The following HDAC9 variants were observed in gnomAD, a reference collection of about 807,000 sequenced individuals.
The protein encoded by HDAC9 is MEF-2 interacting transcription repressor (MITR) protein.
In HDAC9, 41 loss-of-function variants were observed where a neutral mutation model predicts 139.4. The observed-to-expected ratio is 0.29, with a 90% CI of 0.23 to 0.38. The LOEUF (loss-of-function observed/expected upper bound fraction) is 0.38, where lower values mean the gene tolerates loss of function less well. Ranked by LOEUF, HDAC9 falls within the 10% of genes least tolerant of loss-of-function variation. HDAC9 has a pLI of 1.00. For missense variants in HDAC9, 1,147 were observed against 1,297.0 expected, an observed-to-expected ratio of 0.88 and a Z score of 1.78; for synonymous variants, 517 against 476.2, an observed-to-expected ratio of 1.09 and a Z score of -1.12.
At chr7:18,267,617 C>G (rs897082336) in intron 2 of HDAC9, among the ~76,000 whole-genome samples, 11 of 152,080 alleles carry the variant, frequency 7.2e-5, no homozygotes, top group African/African-American at 2.4e-4. Flanking sequence ...TTGAAAATGA[C>G]AGGATTTCCT....
intron 15 of HDAC9, among the ~76,000 whole-genome samples, chr7:18,766,369 A>T (rs2129160428): frequency 6.6e-6 from 1 of 152,304 alleles, no homozygotes; most frequent in East Asian, 1.9e-4. Context: ...TAAACAAAAT[A>T]ATTACTAAAA....
chr7:18,253,014 T>G (rs1439669361), intron 2 of HDAC9, among the ~76,000 whole-genome samples: 2 of 152,196 alleles, frequency 1.3e-5, no homozygotes, highest in Non-Finnish European at 2.9e-5. Context: ...CAATAATTGG[T>G]TTTCTGTTCC....
At chr7:18,212,363 A>G (rs1443027291) in intron 2 of HDAC9, among the ~76,000 whole-genome samples, 1 of 152,160 alleles carries the variant, frequency 6.6e-6, no homozygotes, top group Non-Finnish European at 1.5e-5. Flanking sequence ...AATAAAATAC[A>G]TTTTTAAAAT....
At chr7:18,619,885 A>G (rs1349668014) in intron 6 of HDAC9, among the ~76,000 whole-genome samples, 6 of 152,126 alleles carry the variant, frequency 3.9e-5, no homozygotes, top group Non-Finnish European at 7.4e-5. Flanking sequence ...TTTACCTGTC[A>G]ACATCTCACT....
chr7:18,431,114 A>G (rs1175323304), intron 1 of HDAC9, among the ~76,000 whole-genome samples: 1 of 151,922 alleles, frequency 6.6e-6, no homozygotes. Context: ...CTCAGAACCC[A>G]CTAAATTGGC....
At chr7:18,370,879 T>C (rs533080472) in intron 1 of HDAC9, among the ~76,000 whole-genome samples, 737 of 152,196 alleles carry the variant, frequency 4.8e-3, no homozygotes, top group Middle Eastern at 0.01. Context: ...CGTAGGGGCG[T>C]AGAGGAAAAT....
rs547787442 is a variant in HDAC9 at position 19,000,714 on chromosome 7, A to C, written c.*4652A>C. ...ATTTCTCAAAGCATCTTAATTCTCA[A>C]ACTGAAACATTTAGCAAATACATGG... On this transcript the variant is annotated 3_prime_UTR_variant, in exon 26 of 26. Transcript: ENST00000686413. 1 of 152,312 alleles carries C rather than the reference A, an allele frequency of 6.6e-6. No homozygotes were observed. Among genetic ancestry groups the C allele is most frequent in the South Asian group, 2.1e-4 (1 of 4,830 alleles). The allele number at this position is 152,312 out of a possible 1,614,324, so 9.4% of individuals were successfully genotyped here.
At chr7:18,952,816 TG>T (rs1205676973) in intron 23 of HDAC9, among the ~76,000 whole-genome samples, 32 of 125,050 alleles carry the variant, frequency 2.6e-4, no homozygotes, top group African/African-American at 5.9e-4. Context: ...GTGGTGGTGA[TG>T]TTTTTTTTTT....
chr7:18,489,947 A>G (rs1281843416), intron 1 of HDAC9, among the ~76,000 whole-genome samples: 2 of 152,040 alleles, frequency 1.3e-5, no homozygotes, highest in Non-Finnish European at 2.9e-5. Flanking sequence ...TCTTAAGAGT[A>G]CAATGCTGCT....
At chr7:18,711,757 AG>A (rs529325261) in intron 12 of HDAC9, among the ~76,000 whole-genome samples, 9 of 152,204 alleles carry the variant, frequency 5.9e-5, no homozygotes, top group Non-Finnish European at 1.3e-4. Context: ...TTGCCACAAA[AG>A]AACAGCACTT....
intron 23 of HDAC9, among the ~76,000 whole-genome samples, chr7:18,937,221 G>C (rs369302692): frequency 7.9e-5 from 12 of 151,868 alleles, no homozygotes; most frequent in Middle Eastern, 3.4e-3. Context: ...TGTATTTTTA[G>C]TAGAGACGGG....
intron 16 of HDAC9, among the ~76,000 whole-genome samples, chr7:18,790,277 A>G (rs927475733): frequency 3.3e-5 from 5 of 152,142 alleles, no homozygotes; most frequent in African/African-American, 9.7e-5. Context: ...CTGAAGCTCA[A>G]ATCGCTAATC....
At chr7:18,373,890 A>G (rs1343949888) in intron 1 of HDAC9, among the ~76,000 whole-genome samples, 1 of 152,062 alleles carries the variant, frequency 6.6e-6, no homozygotes, top group African/African-American at 2.4e-5. Context: ...TTGACATTTG[A>G]TATTTTTAGA....
chr7:18,450,941 G>A (rs542250542), intron 1 of HDAC9, among the ~76,000 whole-genome samples: 11 of 152,244 alleles, frequency 7.2e-5, no homozygotes, highest in Middle Eastern at 3.4e-3. Flanking sequence ...AATGTCATAC[G>A]TGTTTCTACA....
Position 18,970,249 on chromosome 7 carries a change from CAT to C in HDAC9, c.3023-5556_3023-5555del, listed in dbSNP as rs531443444. On this transcript the variant is annotated intron_variant, in intron 24 of 25. Transcript: ENST00000686413. ...GTGATAGAGCTACAAAACTGATTAACATGTGTGATATTCAGCAGGAATAATAA... is the reference window on the plus strand; with the variant it reads ...GTGATAGAGCTACAAAACTGATTAACGTGTGATATTCAGCAGGAATAATAA... Among the ~76,000 whole-genome samples the C allele has an allele frequency of 2.7e-3, 418 of 152,222 alleles. 5 individuals carry two copies. Among genetic ancestry groups the C allele is most frequent in the African/African-American group, 9.0e-3 (375 of 41,530 alleles).
intron 21 of HDAC9, among the ~76,000 whole-genome samples, chr7:18,852,235 C>A (rs1251529620): frequency 6.6e-6 from 1 of 152,152 alleles, no homozygotes; most frequent in Non-Finnish European, 1.5e-5. Context: ...GAGTGAGAAT[C>A]ACTACAAGAC....
At chr7:18,311,662 G>C (rs976902092) in intron 1 of HDAC9, among the ~76,000 whole-genome samples, 14 of 152,058 alleles carry the variant, frequency 9.2e-5, no homozygotes, top group African/African-American at 3.4e-4. Flanking sequence ...ACTATATTCT[G>C]TCTTACCTAG....
chr7:18,812,451 A>T (rs1028329942), intron 17 of HDAC9, among the ~76,000 whole-genome samples: 1 of 152,030 alleles, frequency 6.6e-6, no homozygotes, highest in Non-Finnish European at 1.5e-5. Context: ...ATCATTTGAT[A>T]TATAAAACTA....
intron 13 of HDAC9, among the ~76,000 whole-genome samples, chr7:18,731,995 A>T (rs1248963150): frequency 6.6e-6 from 1 of 152,050 alleles, no homozygotes; most frequent in Non-Finnish European, 1.5e-5. Flanking sequence ...ATTGAATTTA[A>T]ACTTTATCAC....
Sources: allele counts gnomAD v4.1 joint callset (sites outside exome capture counted in the v4.1 genomes callset), GRCh38; gene constraint gnomAD v4.1.1; transcripts MANE v1.5; gene names NCBI Gene and HGNC (gene_info 2026-07-23, HGNC 2026-07-21).